ZNF704: variants seen among roughly 807,000 people sequenced by gnomAD.
The protein encoded by ZNF704 is zinc finger protein 704.
A neutral mutation model predicts 44.7 loss-of-function variants in ZNF704; 10 were observed. That is an observed-to-expected ratio of 0.22 (90% CI 0.14 to 0.38). ZNF704 has a LOEUF of 0.38. Among genes scored for constraint, ZNF704 ranks in the 10% least tolerant of loss-of-function variants. The pLI, the probability that ZNF704 is intolerant of heterozygous loss-of-function variation, is 1.00. For synonymous variants in ZNF704, 211 were observed against 207.6 expected (o/e 1.02, Z -0.14); for missense variants, 390 against 545.5 (o/e 0.71, Z 2.84).
At chr8:80,740,996 T>C (rs1806746407) in intron 2 of ZNF704, among the ~76,000 whole-genome samples, 2 of 152,138 alleles carry the variant, frequency 1.3e-5, no homozygotes, top group African/African-American at 4.8e-5. Flanking sequence ...AAGGCTCAGC[T>C]CTGCTTACAG....
intron 2 of ZNF704, among the ~76,000 whole-genome samples, chr8:80,780,063 G>A (rs991710875): frequency 1.3e-5 from 2 of 152,058 alleles, no homozygotes; most frequent in Admixed American, 1.3e-4. Flanking sequence ...CAGGGGTAGG[G>A]GTCATGGTGA....
intron 2 of ZNF704, among the ~76,000 whole-genome samples, chr8:80,805,605 C>A (rs535298141): frequency 6.6e-6 from 1 of 152,054 alleles, no homozygotes; most frequent in East Asian, 1.9e-4. Context: ...TTTTCTTTCT[C>A]ATGAATTTTA....
intron 1 of ZNF704, among the ~76,000 whole-genome samples, chr8:80,872,645 T>C (rs1269718482): frequency 2.0e-5 from 3 of 152,208 alleles, no homozygotes; most frequent in Admixed American, 1.3e-4. Context: ...ACACCGTGCA[T>C]GAATCTCAAC....
chr8:80,870,303 A>G (rs1809230219), intron 1 of ZNF704, among the ~76,000 whole-genome samples: 1 of 152,162 alleles, frequency 6.6e-6, no homozygotes, highest in East Asian at 1.9e-4. Context: ...CCATCTTTTA[A>G]AAAAACCTAG....
chr8:80,635,925 G>A lies in ZNF704; in HGVS notation c.*5441C>T, dbSNP rs1817657266. On this transcript the variant is annotated 3_prime_UTR_variant, in exon 9 of 9. Transcript: ENST00000327835. ...TAAAAGAGACATAGCCCTTTGTTTG[G>A]TGAGCAAGAATTACTTATAATATTA... 1 of 152,136 alleles carries A rather than the reference G, an allele frequency of 6.6e-6. No individual in the cohort carries two copies. Among genetic ancestry groups the A allele is most frequent in the African/African-American group, 2.4e-5 (1 of 41,430 alleles). The allele number at this position is 152,136 out of a possible 1,614,324, so 9.4% of individuals were successfully genotyped here.
intron 2 of ZNF704, among the ~76,000 whole-genome samples, chr8:80,757,533 TAA>T (rs1807056615): frequency 6.6e-6 from 1 of 152,088 alleles, no homozygotes; most frequent in African/African-American, 2.4e-5. Context: ...GAAGAAATTT[TAA>T]AAAATAAATT....
intron 7 of ZNF704, among the ~76,000 whole-genome samples, chr8:80,659,176 G>A (rs1354452770): frequency 2.0e-5 from 3 of 152,038 alleles, no homozygotes; most frequent in Admixed American, 2.0e-4. Flanking sequence ...TGTATTTTTT[G>A]AGCCTTCAAA....
intron 2 of ZNF704, among the ~76,000 whole-genome samples, chr8:80,760,948 C>T (rs2131719366): frequency 6.6e-6 from 1 of 152,242 alleles, no homozygotes; most frequent in South Asian, 2.1e-4. Flanking sequence ...ATCACGAGGA[C>T]AGCACCAAGG....
chr8:80,826,932 A>G (rs973485406), intron 1 of ZNF704, among the ~76,000 whole-genome samples: 3 of 152,206 alleles, frequency 2.0e-5, no homozygotes, highest in Admixed American at 6.5e-5. Flanking sequence ...TCTCAAAATA[A>G]TAAGAGCTAT....
At chr8:80,775,065 CTA>C (rs1484596419) in intron 2 of ZNF704, among the ~76,000 whole-genome samples, 3 of 152,084 alleles carry the variant, frequency 2.0e-5, no homozygotes, top group Non-Finnish European at 4.4e-5. Context: ...ATAGAAAAAA[CTA>C]TGTCTACTCG....
At chr8:80,847,042 G>A (rs770431783) in intron 1 of ZNF704, among the ~76,000 whole-genome samples, 8 of 152,164 alleles carry the variant, frequency 5.3e-5, no homozygotes, top group African/African-American at 1.9e-4. Flanking sequence ...GTGTGGTGAC[G>A]CATGTCTGTA....
chr8:80,782,069 T>C (rs1245433495), intron 2 of ZNF704, among the ~76,000 whole-genome samples: 1 of 152,226 alleles, frequency 6.6e-6, no homozygotes, highest in Admixed American at 6.5e-5. Context: ...GCTTAGAGAA[T>C]GGGCAGTTGC....
intron 2 of ZNF704, chr8:80,812,509 G>C (rs1808105584): frequency 6.5e-6 from 1 of 152,788 alleles, no homozygotes; most frequent in Admixed American, 6.5e-5. Context: ...TCTGGGCGCT[G>C]CTTCCTTTTC....
At chr8:80,709,299 C>T (rs1440957221) in intron 2 of ZNF704, among the ~76,000 whole-genome samples, 2 of 151,712 alleles carry the variant, frequency 1.3e-5, no homozygotes, top group African/African-American at 4.8e-5. Context: ...AAAAAATTAG[C>T]CGAGCATGGT....
chr8:80,732,443 A>G (rs544207655), intron 2 of ZNF704, among the ~76,000 whole-genome samples: 368 of 152,322 alleles, frequency 2.4e-3, no homozygotes, highest in Non-Finnish European at 3.9e-3. Flanking sequence ...CAAAGACCTT[A>G]TAACTTCTGT....
chr8:80,678,032 C>T (rs1293700851), intron 4 of ZNF704, among the ~76,000 whole-genome samples: 1 of 152,144 alleles, frequency 6.6e-6, no homozygotes, highest in Non-Finnish European at 1.5e-5. Context: ...CACTTTATAT[C>T]GTACATTTCT....
At chr8:80,832,281 GT>G (rs1406685966) in intron 1 of ZNF704, among the ~76,000 whole-genome samples, 1 of 151,970 alleles carries the variant, frequency 6.6e-6, no homozygotes, top group Admixed American at 6.6e-5. Flanking sequence ...GGTATCCTTT[GT>G]AAATTCGATG....
chr8:80,724,739 G>A (rs547232582), intron 2 of ZNF704, among the ~76,000 whole-genome samples: 15 of 152,204 alleles, frequency 9.9e-5, no homozygotes, highest in African/African-American at 3.6e-4. Flanking sequence ...TCTCCATTCT[G>A]ATTTTTCACC....
Position 80,703,813 on chromosome 8 carries a change from A to C in ZNF704, c.222-10706T>G, listed in dbSNP as rs186788291. 3.1e-3 allele frequency among the ~76,000 whole-genome samples: 474 copies of C among 152,314 alleles called. 1 individual carries two copies. Among genetic ancestry groups the C allele is most frequent in the African/African-American group, 0.011 (454 of 41,562 alleles). The stretch of plus-strand genomic sequence containing the variant: ...ATAATGAAGGTTTTGTGGACAAATA[A>C]GCATTAAGTAAGGATGGTGACAGTC... On this transcript the variant is annotated intron_variant, in intron 2 of 8. Transcript: ENST00000327835.
Sources: allele counts gnomAD v4.1 joint callset (sites outside exome capture counted in the v4.1 genomes callset), GRCh38; gene constraint gnomAD v4.1.1; transcripts MANE v1.5; gene names NCBI Gene and HGNC (gene_info 2026-07-23, HGNC 2026-07-21).